Variants in RNLS observed in about 807,000 individuals in gnomAD.
RNLS encodes renalase, FAD dependent amine oxidase, also known as renalase.
RNLS carries 39 observed loss-of-function variants against 39.8 expected under a neutral mutation model. The ratio of observed to expected loss-of-function variants is 0.98; its 90% CI spans 0.76 to 1.28. The LOEUF (loss-of-function observed/expected upper bound fraction) is 1.28. Ranked by LOEUF, RNLS falls within the 50% of genes most tolerant of loss-of-function variation. RNLS has a pLI of 0.00. For synonymous variants in RNLS, 147 were observed against 150.7 expected (o/e 0.98, Z 0.18); for missense variants, 410 against 413.3 (o/e 0.99, Z 0.07).
chr10:88,578,884 A>G (rs113923976), intron 3 of RNLS, among the ~76,000 whole-genome samples: 3,057 of 152,286 alleles, frequency 0.02, 79 homozygotes, highest in South Asian at 0.084. Context: ...TTCTTGTATC[A>G]TTAGTACCTA....
chr10:88,430,161 C>A (rs1855048845), intron 4 of RNLS, among the ~76,000 whole-genome samples: 1 of 151,730 alleles, frequency 6.6e-6, no homozygotes, highest in Non-Finnish European at 1.5e-5. Context: ...TTACTTAGGT[C>A]TTCTGTATGT....
At chr10:88,225,516 C>A in the RNLS span, among the ~76,000 whole-genome samples, 3 of 152,142 alleles carry the variant, frequency 2.0e-5, no homozygotes, top group Non-Finnish European at 4.4e-5. Flanking sequence ...GAGTTTGAGA[C>A]CAGCCTGGGC....
intron 5 of RNLS, among the ~76,000 whole-genome samples, chr10:88,355,001 T>C (rs185578461): frequency 5.4e-4 from 82 of 152,348 alleles, no homozygotes; most frequent in African/African-American, 1.6e-3. Context: ...TCCAGTTGAT[T>C]GAATCGGCTA....
the RNLS span, among the ~76,000 whole-genome samples, chr10:88,200,412 T>A: frequency 6.6e-6 from 1 of 152,180 alleles, no homozygotes; most frequent in Non-Finnish European, 1.5e-5. Context: ...TCCTTACCTA[T>A]GAGGTCCAAG....
chr10:88,199,317 C>T, the RNLS span, among the ~76,000 whole-genome samples: 1 of 152,068 alleles, frequency 6.6e-6, no homozygotes, highest in East Asian at 1.9e-4. Context: ...CCTGGGGGGT[C>T]CTGTGTAACT....
At chr10:88,299,747 T>A (rs1311522418) in intron 6 of RNLS, among the ~76,000 whole-genome samples, 1 of 152,238 alleles carries the variant, frequency 6.6e-6, no homozygotes, top group African/African-American at 2.4e-5. Flanking sequence ...TTAATTTTTG[T>A]ATATTCTGTG....
chr10:88,252,007 T>C, the RNLS span, among the ~76,000 whole-genome samples: 2 of 152,192 alleles, frequency 1.3e-5, no homozygotes, highest in African/African-American at 4.8e-5. Flanking sequence ...TCTGCTGATA[T>C]TTCTTCTCGT....
At position 88,362,690 on chromosome 10, in the gene RNLS, C is replaced by A. The variant is rs762038770; in HGVS notation, c.562G>T (p.Val188Leu). 1 of 1,613,760 alleles carries A rather than the reference C, an allele frequency of 6.2e-7. No homozygotes were observed. The highest frequency in any genetic ancestry group is 2.2e-5 in the East Asian group (1 of 44,878). The change falls in exon 5 of 7, where the codon GTG (valine) becomes TTG (leucine). Residue 188 changes from valine to leucine, a missense_variant. Transcript: ENST00000331772. ...SECQRQQLEA[V>L]SYSSRYALGL... is the part of the protein sequence containing the mutation. ...AGAGCATATCGAGAGGAGTAGCTCA[C>A]AGCCTCCAGTTGCTGCCTTTGGCAT...
intron 4 of RNLS, among the ~76,000 whole-genome samples, chr10:88,456,963 T>G (rs1842664330): frequency 6.6e-6 from 1 of 152,200 alleles, no homozygotes; most frequent in South Asian, 2.1e-4. Flanking sequence ...CTTGTAGGAT[T>G]TATACAGCAT....
At chr10:88,265,330 T>C in the RNLS span, among the ~76,000 whole-genome samples, 2,778 of 131,430 alleles carry the variant, frequency 0.021, 29 homozygotes, top group Non-Finnish European at 0.033. Context: ...TTTCTTTTTT[T>C]TTTTTTTTTT....
intron 4 of RNLS, among the ~76,000 whole-genome samples, chr10:88,458,323 A>G (rs1842751763): frequency 6.6e-6 from 1 of 152,176 alleles, no homozygotes; most frequent in Non-Finnish European, 1.5e-5. Flanking sequence ...CAGATTCCAA[A>G]TGGAGCTTCC....
intron 5 of RNLS, among the ~76,000 whole-genome samples, chr10:88,317,338 T>C (rs1845837117): frequency 6.6e-6 from 1 of 152,190 alleles, no homozygotes; most frequent in Non-Finnish European, 1.5e-5. Context: ...TTAAATGAAT[T>C]ACTCACATAA....
chr10:88,245,462 C>T, the RNLS span, among the ~76,000 whole-genome samples: 2 of 152,156 alleles, frequency 1.3e-5, no homozygotes, highest in East Asian at 3.8e-4. Context: ...TACAGCTTGG[C>T]TTTATGATGG....
intron 4 of RNLS, among the ~76,000 whole-genome samples, chr10:88,470,617 A>AT (rs10676559): frequency 0.63 from 88,601 of 141,566 alleles, 27,947 homozygotes; most frequent in East Asian, 0.87. Flanking sequence ...TGTAATTTTA[A>AT]TTTTTTTTTT....
the RNLS span, among the ~76,000 whole-genome samples, chr10:88,238,452 C>T: frequency 1.3e-5 from 2 of 152,330 alleles, no homozygotes; most frequent in East Asian, 3.9e-4. Context: ...AATTTTGCAT[C>T]TGAGTAAACA....
At chr10:88,485,145 G>A (rs1032196279) in intron 4 of RNLS, among the ~76,000 whole-genome samples, 1 of 151,850 alleles carries the variant, frequency 6.6e-6, no homozygotes, top group African/African-American at 2.4e-5. Context: ...GGATAGAAAA[G>A]AACCTAGAAT....
intron 4 of RNLS, among the ~76,000 whole-genome samples, chr10:88,461,742 G>A (rs1321571915): frequency 6.6e-6 from 1 of 152,082 alleles, no homozygotes; most frequent in African/African-American, 2.4e-5. Flanking sequence ...TAGGAGGTAT[G>A]TTTGAATAAT....
At chr10:88,222,237 C>T in the RNLS span, among the ~76,000 whole-genome samples, 6,297 of 152,234 alleles carry the variant, frequency 0.041, 198 homozygotes, top group East Asian at 0.12. Flanking sequence ...TTCAACCCAC[C>T]TTGGAAGCTG....
At chr10:88,429,783 A>T (rs1285129054) in intron 4 of RNLS, among the ~76,000 whole-genome samples, 4 of 151,824 alleles carry the variant, frequency 2.6e-5, no homozygotes, top group Admixed American at 6.6e-5. Flanking sequence ...CCAGCACAAT[A>T]TGTTGAAAAG....
Sources: gnomAD v4.1 joint callset for allele counts (sites outside exome capture counted in the v4.1 genomes callset) on GRCh38, gnomAD v4.1.1 for gene constraint, MANE v1.5 for transcripts, NCBI Gene and HGNC (gene_info 2026-07-23, HGNC 2026-07-21) for gene names.